ZNF804B: variants seen among roughly 807,000 people sequenced by gnomAD.
ZNF804B encodes the protein zinc finger 804B.
ZNF804B carries 80 observed loss-of-function variants against 101.4 expected under a neutral mutation model. The observed-to-expected ratio is 0.79, with a 90% CI of 0.66 to 0.95. The LOEUF (loss-of-function observed/expected upper bound fraction) is 0.95. Among genes scored for constraint, ZNF804B ranks in the 40% least tolerant of loss-of-function variants. The pLI is 0.00. For missense variants in ZNF804B, 1,673 were observed against 1,561.9 expected, an observed-to-expected ratio of 1.07 and a Z score of -1.20; for synonymous variants, 622 against 558.8, an observed-to-expected ratio of 1.11 and a Z score of -1.59.
At chr7:88,849,021 C>T (rs73705557) in intron 1 of ZNF804B, among the ~76,000 whole-genome samples, 2,144 of 152,126 alleles carry the variant, frequency 0.014, 49 homozygotes, top group African/African-American at 0.049. Context: ...GGGTGATCAG[C>T]TAGGAGACTA....
chr7:89,216,108 A>G (rs1345838751), intron 1 of ZNF804B, among the ~76,000 whole-genome samples: 1 of 152,046 alleles, frequency 6.6e-6, no homozygotes, highest in Non-Finnish European at 1.5e-5. Flanking sequence ...GTTTGAGACC[A>G]GCCTAGCTAA....
chr7:88,830,059 G>A (rs1442100035), intron 1 of ZNF804B, among the ~76,000 whole-genome samples: 1 of 152,014 alleles, frequency 6.6e-6, no homozygotes, highest in Non-Finnish European at 1.5e-5. Context: ...CCATGGTGTG[G>A]CCCTGGCAGG....
chr7:89,061,821 A>G, intron 1 of ZNF804B, among the ~76,000 whole-genome samples: 1 of 152,082 alleles, frequency 6.6e-6, no homozygotes, highest in South Asian at 2.1e-4. Flanking sequence ...CATCATCAGG[A>G]TGTCTCACAA....
At chr7:88,818,773 G>T (rs1790926306) in intron 1 of ZNF804B, among the ~76,000 whole-genome samples, 1 of 152,138 alleles carries the variant, frequency 6.6e-6, no homozygotes, top group African/African-American at 2.4e-5. Context: ...TCAGAGCTTT[G>T]ATATCATTAT....
intron 2 of ZNF804B, among the ~76,000 whole-genome samples, chr7:89,280,005 G>T (rs575292563): frequency 6.6e-6 from 1 of 151,860 alleles, no homozygotes; most frequent in Non-Finnish European, 1.5e-5. Context: ...CACATAGTTG[G>T]AAGTAAAGCT....
At position 88,978,367 on chromosome 7, in the gene ZNF804B, C is replaced by T. The variant is rs1584050645; in HGVS notation, c.108+218283C>T. Among the ~76,000 whole-genome samples the T allele has an allele frequency of 2.6e-5, 4 of 151,728 alleles. No individual in the cohort carries two copies. The South Asian group carries it at 6.2e-4, about 24-fold the overall frequency. On this transcript the variant is annotated intron_variant, in intron 1 of 3. Transcript: ENST00000333190. ...TACTGGGGTTTACCTCTCTCTTTAG[C>T]GCTAATAATATTTGCTTTGTATATC...
At chr7:89,086,152 T>A (rs1789797530) in intron 1 of ZNF804B, among the ~76,000 whole-genome samples, 1 of 151,968 alleles carries the variant, frequency 6.6e-6, no homozygotes, top group Non-Finnish European at 1.5e-5. Context: ...TATTTATTTA[T>A]TTAATTTACA....
intron 1 of ZNF804B, among the ~76,000 whole-genome samples, chr7:88,786,513 G>A (rs1790305072): frequency 6.6e-6 from 1 of 151,778 alleles, no homozygotes; most frequent in Admixed American, 6.6e-5. Flanking sequence ...ATAATCTTTG[G>A]GCTAATTCCT....
chr7:89,292,932 T>C (rs777262250), intron 2 of ZNF804B, among the ~76,000 whole-genome samples: 2 of 151,996 alleles, frequency 1.3e-5, no homozygotes, highest in African/African-American at 4.8e-5. Flanking sequence ...CACTTAAAAC[T>C]ATAAAACAGT....
rs1303608796 is a variant in ZNF804B at position 89,220,148 on chromosome 7, TAC to T, written c.249+1855_249+1856del. Among the ~76,000 whole-genome samples the T allele has an allele frequency of 3.7e-4, 33 of 90,122 alleles. 7 individuals are homozygous for T. Among genetic ancestry groups the T allele is most frequent in the African/African-American group, 1.3e-3 (29 of 21,712 alleles). The allele number at this position is 90,122 out of a possible 152,430, so 59.1% of individuals were successfully genotyped here. ...ATACGCACACATATATGTGTGTATA[TAC>T]ATATATATATACGCACATATATATG... On this transcript the variant is annotated intron_variant, in intron 2 of 3. Coordinates refer to ENST00000333190, the MANE Select transcript of ZNF804B (RefSeq NM_181646.5).
At chr7:89,091,151 C>T (rs979406828) in intron 1 of ZNF804B, among the ~76,000 whole-genome samples, 1 of 151,228 alleles carries the variant, frequency 6.6e-6, no homozygotes, top group Non-Finnish European at 1.5e-5. Context: ...TTGGCTTTAG[C>T]AAACCACAGC....
chr7:89,059,345 C>T (rs1040274004), intron 1 of ZNF804B, among the ~76,000 whole-genome samples: 5 of 152,076 alleles, frequency 3.3e-5, no homozygotes, highest in African/African-American at 7.2e-5. Context: ...GGAAGTGTGG[C>T]GTGGGCCTCT....
chr7:89,336,322 A>C lies in ZNF804B; in HGVS notation c.3340A>C (p.Ile1114Leu). 1 of 1,613,958 alleles carries C rather than the reference A, an allele frequency of 6.2e-7. No individual in the cohort carries two copies. The highest frequency in any genetic ancestry group is 1.3e-5 in the African/African-American group (1 of 75,036). ...GCATATAAATCATGTAGAGGGAAAT[A>C]TAAACTCTTACTATGACAGAACTAT... ...SMHINHVEGN[I>L]NSYYDRTMQK... Residue 1114 changes from isoleucine (I) to leucine (L), a missense_variant, in exon 4 of 4, where the codon ATA (isoleucine) becomes CTA (leucine). Ile to Leu is a conservative substitution (Grantham distance 5). Transcript: ENST00000333190.
rs1374074065 is a variant in ZNF804B, at chr7:89,335,067, A to G, written c.2085A>G (p.Arg695=). The G allele has an allele frequency of 2.5e-6, 4 of 1,613,822 alleles. No homozygotes were observed. Among genetic ancestry groups the G allele is most frequent in the Non-Finnish European group, 3.4e-6 (4 of 1,179,908 alleles). ...TSKVSGCGNQ[R]YKRYSPQSCL... ...AGGTTTCCGGATGTGGAAACCAAAG[A>G]TACAAGAGATACTCTCCACAGTCAT... Residue 695 remains arginine (R), a synonymous_variant, in exon 4 of 4, where the codon AGA becomes AGG. Coordinates refer to ENST00000333190, the MANE Select transcript of ZNF804B (RefSeq NM_181646.5).
intron 1 of ZNF804B, among the ~76,000 whole-genome samples, chr7:88,871,001 T>C (rs537208360): frequency 1.2e-4 from 18 of 148,954 alleles, no homozygotes; most frequent in South Asian, 8.6e-4. Context: ...CATTTGTTTC[T>C]CATAGTTAAG....
intron 1 of ZNF804B, among the ~76,000 whole-genome samples, chr7:88,961,903 C>CT (rs1017076301): frequency 2.8e-4 from 42 of 151,336 alleles, no homozygotes; most frequent in African/African-American, 1.0e-3. Flanking sequence ...GAAAAGGGGA[C>CT]TTCATAGTCA....
intron 1 of ZNF804B, among the ~76,000 whole-genome samples, chr7:88,786,480 A>G (rs1790304713): frequency 6.6e-6 from 1 of 152,016 alleles, no homozygotes; most frequent in Non-Finnish European, 1.5e-5. Context: ...TTAAGGGGAG[A>G]TGTAGGAGAT....
chr7:89,132,015 A>G (rs1237568032), intron 1 of ZNF804B, among the ~76,000 whole-genome samples: 2 of 152,032 alleles, frequency 1.3e-5, no homozygotes, highest in Non-Finnish European at 2.9e-5. Flanking sequence ...TGATTATTAC[A>G]TGCATATAAC....
At chr7:88,873,483 A>G (rs1202376259) in intron 1 of ZNF804B, among the ~76,000 whole-genome samples, 1 of 152,022 alleles carries the variant, frequency 6.6e-6, no homozygotes, top group African/African-American at 2.4e-5. Context: ...ATTAGATCCC[A>G]TTTGTCAATT....
Sources: gnomAD v4.1 joint callset for allele counts (sites outside exome capture counted in the v4.1 genomes callset) on GRCh38, gnomAD v4.1.1 for gene constraint, MANE v1.5 for transcripts, NCBI Gene and HGNC (gene_info 2026-07-23, HGNC 2026-07-21) for gene names.